TRMT10A: variants seen among roughly 807,000 people sequenced by gnomAD.
TRMT10A encodes the protein tRNA methyltransferase 10 homolog A.
In TRMT10A, 37 loss-of-function variants were observed where a neutral mutation model predicts 40.4. That is an observed-to-expected ratio of 0.92 (90% CI 0.71 to 1.21). The LOEUF (loss-of-function observed/expected upper bound fraction) is 1.21, where lower values mean the gene tolerates loss of function less well. Among genes scored for constraint, TRMT10A ranks in the 50% most tolerant of loss-of-function variants. The pLI is 0.00. For missense variants in TRMT10A, 388 were observed against 404.3 expected, an observed-to-expected ratio of 0.96 and a Z score of 0.35; for synonymous variants, 103 against 134.1, an observed-to-expected ratio of 0.77 and a Z score of 1.60.
Position 99,550,911 on chromosome 4 carries a change from C to G in TRMT10A, c.725G>C (p.Ser242Thr), listed in dbSNP as rs753997546. The change falls in exon 7 of 8, where the codon AGT (serine) becomes ACT (threonine). Residue 242 changes from serine to threonine, a missense_variant. Ser to Thr is a moderately conservative substitution (Grantham distance 58). Transcript: ENST00000394876. ...ATGATTAACTGCCAAAACTTTTCGACTATTCATCTTCACAAAATTTCCAAG... is the reference window on the plus strand; with the variant it reads ...ATGATTAACTGCCAAAACTTTTCGAGTATTCATCTTCACAAAATTTCCAAG... Reference protein sequence around the residue: ...LPLGNFVKMNSRKVLAVNHVF... With the variant: ...LPLGNFVKMNTRKVLAVNHVF... The G allele has an allele frequency of 6.2e-7, 1 of 1,613,300 alleles. No individual in the cohort carries two copies. The highest frequency in any genetic ancestry group is 8.5e-7 in the Non-Finnish European group (1 of 1,179,624).
At chr4:99,560,677 A>T (rs1724353033) in intron 1 of TRMT10A, among the ~76,000 whole-genome samples, 1 of 152,208 alleles carries the variant, frequency 6.6e-6, no homozygotes, top group Non-Finnish European at 1.5e-5. Context: ...ATGGAAAAAA[A>T]TTAAAAAATA....
At chr4:99,549,434 C>A in intron 7 of TRMT10A, 78 bp from the exon 8 acceptor site, 1 of 1,529,496 alleles carries the variant, frequency 6.5e-7, no homozygotes, top group Non-Finnish European at 8.9e-7. Context: ...AAATACATTG[C>A]CTTTGTGTTA....
Position 99,549,238 on chromosome 4 carries a change from A to G in TRMT10A, c.870T>C (p.His290=). ...CCTCCATCCTGACAGACTGATTGTC[A>G]TGAGAAGCACTTTCACAGGCTTTGT... ...PTDKACESAS[H]DNQSVRMEEG... Residue 290 remains histidine, a synonymous_variant, in exon 8 of 8, where the codon CAT becomes CAC. Transcript: ENST00000394876. The G allele has an allele frequency of 1.2e-6, 2 of 1,614,122 alleles. No homozygotes were observed. The highest frequency in any genetic ancestry group is 1.6e-4 in the Middle Eastern group (1 of 6,062).
At position 99,555,495 on chromosome 4, in the gene TRMT10A, G is replaced by C. The variant is rs75703582; in HGVS notation, c.495+651C>G. On this transcript the variant is annotated intron_variant, in intron 5 of 7. Transcript: ENST00000394876. ...ATAGAAAAAACTGTGAGGCCACATA[G>C]GCAATTTTAAATATTCTAGTATCCA... 5.0e-3 allele frequency among the ~76,000 whole-genome samples: 757 copies of C among 152,116 alleles called. 6 individuals are homozygous for C. The highest frequency in any genetic ancestry group is 0.017 in the African/African-American group (706 of 41,482).
At chr4:99,560,827 A>G (rs898462061) in intron 1 of TRMT10A, among the ~76,000 whole-genome samples, 1 of 152,196 alleles carries the variant, frequency 6.6e-6, no homozygotes, top group Non-Finnish European at 1.5e-5. Context: ...ACAGGAAACA[A>G]ATTGCTCTCT....
intron 3 of TRMT10A, 125 bp from the exon 4 acceptor site, chr4:99,557,541 A>T (rs1724212097): frequency 2.9e-6 from 2 of 698,274 alleles, no homozygotes; most frequent in Non-Finnish European, 4.6e-6. Flanking sequence ...CTTAAATACA[A>T]ATGCATTCTG....
intron 7 of TRMT10A, 55 bp downstream of exon 7, chr4:99,550,830 T>C (rs1394628411): frequency 2.4e-6 from 3 of 1,271,202 alleles, no homozygotes; most frequent in African/African-American, 3.0e-5. Flanking sequence ...AAATGTAATA[T>C]TCTTTCTCAC....
chr4:99,563,957 C>T lies in TRMT10A; in HGVS notation c.-68G>A, dbSNP rs1270077641. ...GGAAGTGAAATCTCAGAAAGAAAGC[C>T]TTTCTGGGTTGGCCTGGTTACGGCT... On this transcript the variant is annotated 5_prime_UTR_variant, in exon 1 of 8. Transcript: ENST00000394876. The T allele has an allele frequency of 2.9e-6, 3 of 1,050,504 alleles. No individual in the cohort carries two copies. Among genetic ancestry groups the T allele is most frequent in the East Asian group, 2.6e-5 (1 of 38,756 alleles). The allele number at this position is 1,050,504 out of a possible 1,614,324, so 65.1% of individuals were successfully genotyped here.
At chr4:99,556,313 G>A in intron 4 of TRMT10A, 93 bp from the exon 5 acceptor site, 1 of 1,121,680 alleles carries the variant, frequency 8.9e-7, no homozygotes, top group Non-Finnish European at 1.3e-6. Flanking sequence ...GACGATCAAT[G>A]AAACACAAAA....
At chr4:99,557,968 TA>T in intron 3 of TRMT10A, 80 bp downstream of exon 3, 1 of 1,303,710 alleles carries the variant, frequency 7.7e-7, no homozygotes, top group Non-Finnish European at 1.0e-6. Flanking sequence ...CAAATTTACA[TA>T]AAAGGGATAT....
At chr4:99,555,083 A>T (rs1315398251) in intron 5 of TRMT10A, among the ~76,000 whole-genome samples, 1 of 152,212 alleles carries the variant, frequency 6.6e-6, no homozygotes, top group Non-Finnish European at 1.5e-5. Context: ...GAGACCAATG[A>T]ATCTCAAGTC....
In TRMT10A at chr4:99,564,022, G is replaced by A. The variant is rs1457718647; in HGVS notation, c.-133C>T. 2.7e-6 allele frequency: 4 copies of A among 1,506,886 alleles called. No individual in the cohort carries two copies. The East Asian group carries it at 9.8e-5, about 37-fold the overall frequency. The allele number at this position is 1,506,886 out of a possible 1,614,324, so 93.3% of individuals were successfully genotyped here. A position where few individuals can be genotyped will look rare whatever the true frequency, so the allele number is the denominator to read the frequency against. On this transcript the variant is annotated 5_prime_UTR_variant, in exon 1 of 8. Coordinates refer to ENST00000394876, the MANE Select transcript of TRMT10A (RefSeq NM_001134665.3). The stretch of plus-strand genomic sequence containing the variant: ...CAGAAACTTCAATTCCCAGAGGCAG[G>A]GGCGGTAGTTACGCAGTGGAGGCTA...
chr4:99,563,789 A>G (rs142124756), intron 1 of TRMT10A, 124 bp downstream of exon 1: 107 of 551,520 alleles, frequency 1.9e-4, no homozygotes, highest in African/African-American at 1.6e-3. Flanking sequence ...AACCACTTCC[A>G]CACCACTGCT....
At position 99,559,157 on chromosome 4, in the gene TRMT10A, C is replaced by A; in HGVS notation, c.182G>T (p.Arg61Leu). The change falls in exon 2 of 8, where the codon CGC (arginine) becomes CTC (leucine). Residue 61 changes from arginine (R) to leucine (L), a missense_variant. By Grantham distance (102) the Arg-to-Leu change is moderately radical (BLOSUM62 -2). Transcript: ENST00000394876. ...QKQWEEQREL[R>L]KQKRKEKRKR... The stretch of plus-strand genomic sequence containing the variant: ...ATATACATTTTGAAACACATACTTG[C>A]GGAGTTCCCGTTGCTCTTCCCATTG... 3 of 1,611,288 alleles carry A rather than the reference C, an allele frequency of 1.9e-6. No individual in the cohort carries two copies. Among genetic ancestry groups the A allele is most frequent in the Non-Finnish European group, 2.5e-6 (3 of 1,178,386 alleles).
At chr4:99,556,313 G>T in intron 4 of TRMT10A, 93 bp from the exon 5 acceptor site, 1 of 1,121,680 alleles carries the variant, frequency 8.9e-7, no homozygotes, top group Non-Finnish European at 1.3e-6. Flanking sequence ...GACGATCAAT[G>T]AAACACAAAA....
chr4:99,553,754 AG>A, intron 6 of TRMT10A, 30 bp downstream of exon 6: 2 of 1,578,660 alleles, frequency 1.3e-6, no homozygotes, highest in Admixed American at 3.8e-5. Context: ...TTTAAGAACA[AG>A]CAAAAGCAAA....
chr4:99,559,276 T>C lies in TRMT10A; in HGVS notation c.63A>G (p.Ile21Met). 1 of 1,613,420 alleles carries C rather than the reference T, an allele frequency of 6.2e-7. No individual in the cohort carries two copies. Among genetic ancestry groups the C allele is most frequent in the Non-Finnish European group, 8.5e-7 (1 of 1,179,514 alleles). Residue 21 changes from isoleucine (I) to methionine (M), a missense_variant, in exon 2 of 8, where the codon ATA (isoleucine) becomes ATG (methionine). Coordinates refer to ENST00000394876, the MANE Select transcript of TRMT10A (RefSeq NM_001134665.3). ...TCTGGCTCTCCTCTTGATCTTCATT[T>C]ATGCCTTGCTTTTTGTCAACATTAG... The part of the protein sequence containing the change: ...ETSNVDKKQG[I>M]NEDQEESQKP...
rs930661149 is a variant in TRMT10A, at chr4:99,548,066, C to T, written c.*1022G>A. On this transcript the variant is annotated 3_prime_UTR_variant, in exon 8 of 8. Coordinates refer to ENST00000394876, the MANE Select transcript of TRMT10A (RefSeq NM_001134665.3). ...CAAATTGTTCTTAGCGTGTTCAACACAACCATTCACACAAGTAATACAGAT... is the reference window on the plus strand; with the variant it reads ...CAAATTGTTCTTAGCGTGTTCAACATAACCATTCACACAAGTAATACAGAT... 6.6e-6 allele frequency: 1 copy of T among 152,102 alleles called. No homozygotes were observed. Among genetic ancestry groups the T allele is most frequent in the Non-Finnish European group, 1.5e-5 (1 of 67,972 alleles). The allele number at this position is 152,102 out of a possible 1,614,324, so 9.4% of individuals were successfully genotyped here.
intron 4 of TRMT10A, among the ~76,000 whole-genome samples, chr4:99,557,094 A>G (rs1392550679): frequency 6.6e-6 from 1 of 152,198 alleles, no homozygotes; most frequent in Non-Finnish European, 1.5e-5. Context: ...CACAATGAAG[A>G]TATCAACTAC....
Sources: allele counts gnomAD v4.1 joint callset (sites outside exome capture counted in the v4.1 genomes callset), GRCh38; gene constraint gnomAD v4.1.1; transcripts MANE v1.5; gene names NCBI Gene and HGNC (gene_info 2026-07-23, HGNC 2026-07-21).